Variants in COL2A1 observed in about 807,000 individuals in gnomAD.
COL2A1 encodes collagen alpha-1(II) chain.
Under a neutral mutation model 204.5 loss-of-function variants are expected in COL2A1, and 28 were observed. That is an observed-to-expected ratio of 0.14 (90% confidence interval 0.10 to 0.19). COL2A1 has a LOEUF of 0.19. COL2A1 is among the 10% of genes least tolerant of loss of function. The pLI, the probability that COL2A1 is intolerant of heterozygous loss-of-function variation, is 1.00. For missense variants in COL2A1, 1,388 were observed against 2,027.5 expected, an observed-to-expected ratio of 0.68 and a Z score of 6.06; for synonymous variants, 708 against 718.7, an observed-to-expected ratio of 0.99 and a Z score of 0.24.
At position 47,985,042 on chromosome 12, in the gene COL2A1, G is replaced by A; in HGVS notation, c.1786C>T (p.Arg596Cys). 2 of 1,613,958 alleles carry A rather than the reference G, an allele frequency of 1.2e-6. No individual in the cohort carries two copies. Among genetic ancestry groups the A allele is most frequent in the Non-Finnish European group, 1.7e-6 (2 of 1,179,998 alleles). The change falls in exon 27 of 54, where the codon CGT becomes TGT. Residue 596 changes from arginine (R) to cysteine (C), a missense_variant. Transcript: ENST00000380518. ...AAACCCATGACACCAGGCTGCCCACGAGCCCCCTGAGGACCTGGAGGTCCA... is the reference window on the plus strand; with the variant it reads ...AAACCCATGACACCAGGCTGCCCACAAGCCCCCTGAGGACCTGGAGGTCCA... ...RPGPPGPQGARGQPGVMGFPG... is the reference protein window; with the variant it reads ...RPGPPGPQGACGQPGVMGFPG...
Position 47,998,272 on chromosome 12 carries a change from C to G in COL2A1, c.310-71G>C, listed in dbSNP as rs1002867572. ...AGCCCCTAGTCTAAAACCCTGCCAG[C>G]AGCCCCTGTGTTGAGGTACCCTCTG... On this transcript the variant is annotated intron_variant, in intron 3 of 53. Coordinates refer to ENST00000380518, the MANE Select transcript of COL2A1 (RefSeq NM_001844.5). 4.5e-5 allele frequency: 72 copies of G among 1,603,858 alleles called. 1 individual carries two copies. Among genetic ancestry groups the G allele is most frequent in the Non-Finnish European group, 5.9e-5 (69 of 1,171,042 alleles).
At chr12:47,989,386 C>A in intron 17 of COL2A1, 105 bp from the exon 18 acceptor site, 1 of 969,724 alleles carries the variant, frequency 1.0e-6, no homozygotes, top group Non-Finnish European at 1.6e-6. Flanking sequence ...ACTGATTTCA[C>A]TCCATATCCA....
chr12:47,974,634 G>A (rs1157502797), intron 52 of COL2A1, 41 bp downstream of exon 52: 1 of 1,598,458 alleles, frequency 6.3e-7, no homozygotes, highest in African/African-American at 1.3e-5. Flanking sequence ...AGAGTTTGAG[G>A]AGCCATCTCT....
rs1468872205 is a variant in COL2A1 at position 47,974,745 on chromosome 12, T to C, written c.4004A>G (p.Asn1335Ser). The C allele has an allele frequency of 1.2e-6, 2 of 1,614,208 alleles. No homozygotes were observed. Among genetic ancestry groups the C allele is most frequent in the Admixed American group, 3.3e-5 (2 of 60,024 alleles). ...CTCCTTGCTCTTGCTGCTCCACCAGTTCTTCTTGGGAACGTTTGCTGGATT... is the reference window on the plus strand; with the variant it reads ...CTCCTTGCTCTTGCTGCTCCACCAGCTCTTCTTGGGAACGTTTGCTGGATT... ...YPNPANVPKK[N>S]WWSSKSKEKK... Residue 1335 changes from asparagine (N) to serine (S), a missense_variant, in exon 52 of 54, where the codon AAC becomes AGC. Coordinates refer to ENST00000380518, the MANE Select transcript of COL2A1 (RefSeq NM_001844.5).
rs1012776131 is a variant in COL2A1, at chr12:47,995,257, C to A, written c.760G>T (p.Asp254Tyr). ...TTTGTCTACTCGTGTATACTCACAT[C>A]ATCACCAGGCTTTCCAGGGGGACCA... Reference protein sequence around the residue: ...PPGPPGKPGDDGEAGKPGKAG... With the variant: ...PPGPPGKPGDYGEAGKPGKAG... Residue 254 changes from aspartate (D) to tyrosine (Y), a missense_variant and splice_region_variant, in exon 11 of 54, where the codon GAT (aspartate) becomes TAT (tyrosine). Coordinates refer to ENST00000380518, the MANE Select transcript of COL2A1 (RefSeq NM_001844.5). 1.9e-6 allele frequency: 3 copies of A among 1,613,090 alleles called. No homozygotes were observed. The highest frequency in any genetic ancestry group is 3.3e-5 in the Admixed American group (2 of 60,036).
In COL2A1 at chr12:47,974,349, G is replaced by A. The variant is rs372266661; in HGVS notation, c.4075-18C>T. The A allele has an allele frequency of 4.5e-5, 72 of 1,613,006 alleles. No homozygotes were observed. Among genetic ancestry groups the A allele is most frequent in the Admixed American group, 1.0e-4 (6 of 60,010 alleles). On this transcript the variant is annotated intron_variant, in intron 52 of 53. Transcript: ENST00000380518. ...TAGCTGAACTGTTGGGGCAGAGAGCGGCAGTGTGAGGCCTGGGAGCTGGCA... is the reference window on the plus strand; with the variant it reads ...TAGCTGAACTGTTGGGGCAGAGAGCAGCAGTGTGAGGCCTGGGAGCTGGCA...
rs777096609 is a variant in COL2A1, at chr12:47,977,386, G to C, written c.3207C>G (p.Ala1069=). ...GGCCAGGGGAGCCAGGGGGCCCAGGGGCTCCAGGAGCTCCCACAGCACCAG... is the reference window on the plus strand; with the variant it reads ...GGCCAGGGGAGCCAGGGGGCCCAGGCGCTCCAGGAGCTCCCACAGCACCAG... The part of the protein sequence containing the change: ...GETGAVGAPG[A]PGPPGSPGPA... Residue 1069 remains alanine (A), a synonymous_variant, in exon 46 of 54, where the codon GCC becomes GCG. Coordinates refer to ENST00000380518, the MANE Select transcript of COL2A1 (RefSeq NM_001844.5). 4 of 1,613,444 alleles carry C rather than the reference G, an allele frequency of 2.5e-6. No homozygotes were observed. Among genetic ancestry groups the C allele is most frequent in the Non-Finnish European group, 3.4e-6 (4 of 1,179,718 alleles).
intron 53 of COL2A1, 71 bp downstream of exon 53, chr12:47,974,018 C>T (rs1057375358): frequency 8.7e-6 from 14 of 1,611,000 alleles, no homozygotes; most frequent in Middle Eastern, 1.7e-4. Flanking sequence ...ACAGCTGCCG[C>T]GGGCCAACCC....
chr12:47,998,134 A>G, intron 4 of COL2A1, 35 bp downstream of exon 4: 1 of 1,614,224 alleles, frequency 6.2e-7, no homozygotes, highest in East Asian at 2.2e-5. Flanking sequence ...TTAGAGCAGC[A>G]GCTGCAATAC....
intron 50 of COL2A1, 35 bp downstream of exon 50, chr12:47,975,928 C>T: frequency 1.3e-6 from 2 of 1,510,396 alleles, no homozygotes; most frequent in Non-Finnish European, 1.8e-6. Flanking sequence ...ATGGTAGGGA[C>T]ACCTCGACAG....
rs1939822204 is a variant in COL2A1, at chr12:47,993,844, C to T, written c.889G>A (p.Gly297Ser). 4 of 1,614,152 alleles carry T rather than the reference C, an allele frequency of 2.5e-6. No homozygotes were observed. Among genetic ancestry groups the T allele is most frequent in the Non-Finnish European group, 1.7e-6 (2 of 1,180,018 alleles). Residue 297 changes from glycine to serine, a missense_variant, in exon 14 of 54, where the codon GGT becomes AGT. Physicochemically the swap from Gly to Ser is moderately conservative, Grantham distance 56. Coordinates refer to ENST00000380518, the MANE Select transcript of COL2A1 (RefSeq NM_001844.5). ...KGHRGYPGLDGAKGEAGAPGV... is the reference protein window; with the variant it reads ...KGHRGYPGLDSAKGEAGAPGV... Reference sequence around the variant, plus strand: ...GGAGCACCCGCCTCTCCCTTAGCACCGTCCAGGCCTGGATAACCCTAGGGA... The same window carrying T: ...GGAGCACCCGCCTCTCCCTTAGCACTGTCCAGGCCTGGATAACCCTAGGGA...
chr12:47,979,607 G>C (rs753517812), intron 40 of COL2A1, 43 bp from the exon 41 acceptor site: 9 of 1,248,538 alleles, frequency 7.2e-6, no homozygotes, highest in Non-Finnish European at 1.0e-5. Context: ...CAAGCCCTCA[G>C]GAGGTTTGAG....
At chr12:47,989,142 T>C (rs1939579508) in intron 18 of COL2A1, 86 bp downstream of exon 18, 1 of 1,136,128 alleles carries the variant, frequency 8.8e-7, no homozygotes, top group Admixed American at 2.0e-5. Flanking sequence ...AGCAGGTGGT[T>C]GTTGAGGGAG....
At chr12:47,990,342 C>T (rs1351188933) in intron 16 of COL2A1, among the ~76,000 whole-genome samples, 1 of 152,210 alleles carries the variant, frequency 6.6e-6, no homozygotes, top group African/African-American at 2.4e-5. Flanking sequence ...ATCATTTTCT[C>T]TTTTCTTCAA....
chr12:47,976,928 A>G lies in COL2A1; in HGVS notation c.3328-9T>C. The G allele has an allele frequency of 1.9e-6, 3 of 1,597,346 alleles. No individual in the cohort carries two copies. Among genetic ancestry groups the G allele is most frequent in the Non-Finnish European group, 2.6e-6 (3 of 1,170,668 alleles). On this transcript the variant is annotated splice_polypyrimidine_tract_variant and intron_variant, in intron 47 of 53. Transcript: ENST00000380518. The surrounding 1 kb of genome is among the most constrained non-coding windows in gnomAD (Gnocchi z 4.3). ...CTGGGGCCTTGAGGACCCTGGGAACAAGACAGACACCGATTGAGTCAGGTC... is the reference window on the plus strand; with the variant it reads ...CTGGGGCCTTGAGGACCCTGGGAACGAGACAGACACCGATTGAGTCAGGTC...
At position 47,989,270 on chromosome 12, in the gene COL2A1, A is replaced by G; in HGVS notation, c.1080T>C (p.Gly360=). ...CAGGGAAGCCAGGACCACCAGCAGG[A>G]CCGACAGGACCCTGGAGAGAGTAGG... ...PGPAGPPGPV[G]PAGGPGFPGA... Residue 360 remains glycine (G), a synonymous_variant, in exon 18 of 54, where the codon GGT becomes GGC. Coordinates refer to ENST00000380518, the MANE Select transcript of COL2A1 (RefSeq NM_001844.5). 1 of 1,613,022 alleles carries G rather than the reference A, an allele frequency of 6.2e-7. No homozygotes were observed. The highest frequency in any genetic ancestry group is 8.5e-7 in the Non-Finnish European group (1 of 1,179,804).
At chr12:47,992,119 A>T (rs1206653968) in intron 16 of COL2A1, among the ~76,000 whole-genome samples, 1 of 152,006 alleles carries the variant, frequency 6.6e-6, no homozygotes, top group Non-Finnish European at 1.5e-5. Context: ...TCATCGCATC[A>T]CTCGCCTGAC....
At chr12:47,999,764 A>T (rs1940144963) in intron 2 of COL2A1, 155 bp downstream of exon 2, 1 of 661,758 alleles carries the variant, frequency 1.5e-6, no homozygotes, top group South Asian at 1.8e-5. Context: ...TTCAACCTGC[A>T]AGTGAGAAGT....
rs980485811 is a variant in COL2A1 at position 47,980,308 on chromosome 12, C to T, written c.2625+246G>A. Among the ~76,000 whole-genome samples, 6 of 152,296 alleles carry T rather than the reference C, an allele frequency of 3.9e-5. No homozygotes were observed. Among genetic ancestry groups the T allele is most frequent in the African/African-American group, 1.4e-4 (6 of 41,572 alleles). ...GGTCTGGCCTCCCGGGAAGCTCTTC[C>T]TGCCACCGCCCCCTCCTCCCCAGGA... On this transcript the variant is annotated intron_variant, in intron 39 of 53. Coordinates refer to ENST00000380518, the MANE Select transcript of COL2A1 (RefSeq NM_001844.5). The surrounding 1 kb of genome is among the most constrained non-coding windows in gnomAD (Gnocchi z 4.5).
Sources: allele counts gnomAD v4.1 joint callset (sites outside exome capture counted in the v4.1 genomes callset), GRCh38; gene constraint gnomAD v4.1.1; non-coding constraint Gnocchi (gnomAD v3.1); transcripts MANE v1.5; gene names NCBI Gene and HGNC (gene_info 2026-07-23, HGNC 2026-07-21).